The following NTNG1 variants were observed in gnomAD, a reference collection of about 807,000 sequenced individuals.
NTNG1 encodes the protein netrin-G1.
A neutral mutation model predicts 54.0 loss-of-function variants in NTNG1; 16 were observed. The observed-to-expected ratio is 0.30, with a 90% confidence interval of 0.20 to 0.45. NTNG1 has a LOEUF of 0.45. Among genes scored for constraint, NTNG1 ranks in the 20% least tolerant of loss-of-function variants. The probability of loss-of-function intolerance (pLI) is 1.00; values close to 1 mark genes in which losing one functional copy is unlikely to be tolerated. For missense variants in NTNG1, 530 were observed against 678.7 expected (o/e 0.78, Z 2.43); for synonymous variants, 255 against 263.1 (o/e 0.97, Z 0.30).
Position 107,464,947 on chromosome 1 carries a change from T to A in NTNG1, c.1391-15664T>A, listed in dbSNP as rs1002750035. Among the ~76,000 whole-genome samples the A allele has an allele frequency of 2.0e-5, 3 of 152,162 alleles. No homozygotes were observed. In the East Asian group the frequency reaches 5.8e-4, roughly 29 times the overall value. ...CCCCACGTCTCTCCATAGGCTTATG[T>A]GGTGTTTCTCTCCAGGTCGGCCCAA... On this transcript the variant is annotated intron_variant, in intron 7 of 7. Coordinates refer to ENST00000370068, the MANE Select transcript of NTNG1 (RefSeq NM_001113226.3).
At chr1:107,353,098 A>G (rs1466433395) in intron 3 of NTNG1, among the ~76,000 whole-genome samples, 1 of 152,208 alleles carries the variant, frequency 6.6e-6, no homozygotes, top group Non-Finnish European at 1.5e-5. Context: ...ACATTTGCAT[A>G]AGTAAATTAA....
chr1:107,376,423 A>AC (rs1553235272), intron 3 of NTNG1, among the ~76,000 whole-genome samples: 5 of 151,272 alleles, frequency 3.3e-5, no homozygotes, highest in Non-Finnish European at 7.4e-5. Flanking sequence ...AAAACAAAAA[A>AC]AAAAACAAAA....
chr1:107,232,376 T>C (rs552692488), intron 2 of NTNG1, among the ~76,000 whole-genome samples: 139 of 152,340 alleles, frequency 9.1e-4, no homozygotes, highest in African/African-American at 3.2e-3. Context: ...CCTTCTTCCA[T>C]GGAAACCAGA....
At chr1:107,472,317 A>G (rs1007510606) in intron 7 of NTNG1, among the ~76,000 whole-genome samples, 35 of 152,210 alleles carry the variant, frequency 2.3e-4, no homozygotes, top group African/African-American at 8.2e-4. Flanking sequence ...GGGATTTCTA[A>G]CACTTTGCCT....
intron 2 of NTNG1, among the ~76,000 whole-genome samples, chr1:107,177,937 GATTGT>G (rs1211756542): frequency 6.6e-6 from 1 of 152,124 alleles, no homozygotes; most frequent in Non-Finnish European, 1.5e-5. Flanking sequence ...AGACCCAATT[GATTGT>G]ATCTCTCAAC....
At chr1:107,361,424 T>C (rs1286535648) in intron 3 of NTNG1, among the ~76,000 whole-genome samples, 4 of 141,386 alleles carry the variant, frequency 2.8e-5, no homozygotes, top group Non-Finnish European at 4.6e-5. Flanking sequence ...AGTTTCGCTC[T>C]TGTTGCCCAG....
At chr1:107,403,084 A>C (rs1396202634) in intron 4 of NTNG1, among the ~76,000 whole-genome samples, 2 of 152,152 alleles carry the variant, frequency 1.3e-5, no homozygotes, top group Non-Finnish European at 2.9e-5. Flanking sequence ...TGTACCCTTA[A>C]GTTATTTACT....
Position 107,305,507 on chromosome 1 carries a change from CAT to C in NTNG1, c.247-18772_247-18771del, listed in dbSNP as rs566409221. Among the ~76,000 whole-genome samples, 483 of 152,066 alleles carry C rather than the reference CAT, an allele frequency of 3.2e-3. 1 individual carries two copies. The highest frequency in any genetic ancestry group is 5.6e-3 in the Non-Finnish European group (383 of 67,978). On this transcript the variant is annotated intron_variant, in intron 2 of 7. Coordinates refer to ENST00000370068, the MANE Select transcript of NTNG1 (RefSeq NM_001113226.3). ...GACCAGTGATGATTAGCTTTTTTTT[CAT>C]ATGTTTGTTGGCCGCATAAATGTCT... is the stretch of plus-strand genomic sequence containing the variant.
At chr1:107,424,877 G>A (rs1220596938) in intron 5 of NTNG1, among the ~76,000 whole-genome samples, 1 of 152,100 alleles carries the variant, frequency 6.6e-6, no homozygotes, top group Admixed American at 6.5e-5. Context: ...AGACCATGGG[G>A]TTGGGTAAAA....
intron 3 of NTNG1, among the ~76,000 whole-genome samples, chr1:107,328,035 T>C (rs1486289272): frequency 2.6e-5 from 4 of 152,134 alleles, no homozygotes; most frequent in Admixed American, 2.6e-4. Flanking sequence ...AAAAGTGTAA[T>C]CTCATCATAA....
intron 3 of NTNG1, among the ~76,000 whole-genome samples, chr1:107,364,902 T>G (rs1004065390): frequency 6.6e-6 from 1 of 152,196 alleles, no homozygotes; most frequent in African/African-American, 2.4e-5. Flanking sequence ...CCAGTCCTCA[T>G]TCATTATGTA....
chr1:107,142,333 C>CT (rs1653791844), intron 1 of NTNG1, among the ~76,000 whole-genome samples: 1 of 150,820 alleles, frequency 6.6e-6, no homozygotes, highest in South Asian at 2.1e-4. Context: ...TTCAGAAATC[C>CT]ACTTAAGAGT....
chr1:107,179,630 G>T (rs1408024561), intron 2 of NTNG1, among the ~76,000 whole-genome samples: 1 of 151,992 alleles, frequency 6.6e-6, no homozygotes, highest in Non-Finnish European at 1.5e-5. Context: ...TACAAGTGCA[G>T]GTTTGTTACA....
At chr1:107,173,078 G>T (rs1022150755) in intron 2 of NTNG1, among the ~76,000 whole-genome samples, 1 of 152,006 alleles carries the variant, frequency 6.6e-6, no homozygotes, top group Non-Finnish European at 1.5e-5. Flanking sequence ...CATCATAATG[G>T]CTCTGTAGTA....
At chr1:107,360,410 G>T (rs1187506897) in intron 3 of NTNG1, among the ~76,000 whole-genome samples, 1 of 152,092 alleles carries the variant, frequency 6.6e-6, no homozygotes, top group Non-Finnish European at 1.5e-5. Context: ...AACAGTGAGT[G>T]TAAAGACCCT....
At chr1:107,343,701 T>A (rs754877027) in intron 3 of NTNG1, among the ~76,000 whole-genome samples, 4 of 152,094 alleles carry the variant, frequency 2.6e-5, no homozygotes, top group Non-Finnish European at 5.9e-5. Context: ...CAGGGCTTTG[T>A]GGAGATGGGC....
intron 2 of NTNG1, among the ~76,000 whole-genome samples, chr1:107,280,310 C>T (rs962328191): frequency 1.3e-5 from 2 of 151,558 alleles, no homozygotes; most frequent in Non-Finnish European, 2.9e-5. Flanking sequence ...TGCAACTCTA[C>T]TAGATGTTCT....
chr1:107,162,896 C>T (rs1655514678), intron 2 of NTNG1, among the ~76,000 whole-genome samples: 1 of 152,112 alleles, frequency 6.6e-6, no homozygotes, highest in Non-Finnish European at 1.5e-5. Context: ...CATCATCCAT[C>T]ACTGGAATAA....
chr1:107,431,185 C>T (rs1675241475), intron 6 of NTNG1, among the ~76,000 whole-genome samples: 2 of 151,962 alleles, frequency 1.3e-5, no homozygotes, highest in South Asian at 4.1e-4. Flanking sequence ...TTCTTTCTTC[C>T]CGTTTTTTGC....
Sources: allele counts gnomAD v4.1 joint callset (sites outside exome capture counted in the v4.1 genomes callset), GRCh38; gene constraint gnomAD v4.1.1; transcripts MANE v1.5; gene names NCBI Gene and HGNC (gene_info 2026-07-23, HGNC 2026-07-21).